Variants in SLC15A3 observed in about 807,000 individuals in gnomAD.
The protein encoded by SLC15A3 is solute carrier family 15 member 3, also known as osteoclast transporter.
SLC15A3 carries 39 observed loss-of-function variants against 49.2 expected under a neutral mutation model. The ratio of observed to expected loss-of-function variants is 0.79; its 90% CI spans 0.61 to 1.04. The LOEUF is 1.04. Among genes scored for constraint, SLC15A3 ranks in the 50% least tolerant of loss-of-function variants. SLC15A3 has a pLI of 0.00. For synonymous variants in SLC15A3, 339 were observed against 367.0 expected (o/e 0.92, Z 0.87); for missense variants, 758 against 794.8 (o/e 0.95, Z 0.56).
Position 60,946,760 on chromosome 11 carries a change from T to C in SLC15A3, c.620A>G (p.Asn207Ser), listed in dbSNP as rs764069229. ...RFFNWFYWSI[N>S]LGAVLSLLVV... ...CAGCAGCGACAGCACAGCACCCAGG[T>C]TGATGCTCCAGTAAAACCAGTTGAA... The change falls in exon 2 of 8, where the codon AAC becomes AGC. Residue 207 changes from asparagine (N) to serine (S), a missense_variant. By Grantham distance (46) the Asn-to-Ser change is conservative. Transcript: ENST00000227880. 25 of 1,613,994 alleles carry C rather than the reference T, an allele frequency of 1.5e-5. No homozygotes were observed. Among genetic ancestry groups the C allele is most frequent in the Non-Finnish European group, 1.9e-5 (22 of 1,180,014 alleles).
At chr11:60,939,059 T>G (rs2134922804) in intron 6 of SLC15A3, among the ~76,000 whole-genome samples, 1 of 152,314 alleles carries the variant, frequency 6.6e-6, no homozygotes, top group African/African-American at 2.4e-5. Flanking sequence ...CCCAGAGTAC[T>G]GTGTGCTATG....
chr11:60,951,013 G>C lies in SLC15A3; in HGVS notation c.539C>G (p.Thr180Ser). 1 of 1,489,112 alleles carries C rather than the reference G, an allele frequency of 6.7e-7. No individual in the cohort carries two copies. The highest frequency in any genetic ancestry group is 8.9e-7 in the Non-Finnish European group (1 of 1,126,318). 92.2% of individuals were successfully genotyped at this position (1,489,112 alleles called of 1,614,324 possible). Residue 180 changes from threonine (T) to serine (S), a missense_variant, in exon 1 of 8, where the codon ACC (threonine) becomes AGC (serine). Coordinates refer to ENST00000227880, the MANE Select transcript of SLC15A3 (RefSeq NM_016582.3). ...LAASSVRSNL[T>S]SFGADQVMDL... ...ACTCACCTGGTCGGCACCGAAGGAG[G>C]TGAGGTTGCTCCGGACGGAGCTGGC...
chr11:60,939,429 C>T (rs1590635727), intron 6 of SLC15A3, 51 bp downstream of exon 6: 10 of 1,599,092 alleles, frequency 6.3e-6, no homozygotes, highest in Non-Finnish European at 7.7e-6. Context: ...TGAGGTGCCA[C>T]CGGGCAGAGC....
In SLC15A3 at chr11:60,942,081, G is replaced by A. The variant is rs199700410; in HGVS notation, c.1061C>T (p.Pro354Leu). 17 of 1,614,138 alleles carry A rather than the reference G, an allele frequency of 1.1e-5. No individual in the cohort carries two copies. Among genetic ancestry groups the A allele is most frequent in the Admixed American group, 5.0e-5 (3 of 60,024 alleles). The change falls in exon 4 of 8, where the codon CCG becomes CTG. Residue 354 changes from proline (P) to leucine (L), a missense_variant. Coordinates refer to ENST00000227880, the MANE Select transcript of SLC15A3 (RefSeq NM_016582.3). The stretch of plus-strand genomic sequence containing the variant: ...TCTCAGGGCCACAGAGATGTTGGCC[G>A]GGTTGGCTGGGAAAATGTTTGGGAT... ...LHIPNIFPAN[P>L]ANISVALRAQ...
rs76312198 is a variant in SLC15A3 at position 60,941,295 on chromosome 11, G to A, written c.1108-5C>T. The A allele has an allele frequency of 0.012, 19,863 of 1,612,280 alleles. 310 individuals are homozygous for A. Among genetic ancestry groups the A allele is most frequent in the South Asian group, 0.05 (4,553 of 90,642 alleles). ...GAGGAGCCAGGCTTCCGGGATCTGG[G>A]CAGGAGGAAGTCAGGAGAGGCAGGC... On this transcript the variant is annotated splice_polypyrimidine_tract_variant and splice_region_variant and intron_variant, in intron 4 of 7. Transcript: ENST00000227880.
rs376816042 is a variant in SLC15A3 at position 60,945,340 on chromosome 11, G to C, written c.848+1192C>G. On this transcript the variant is annotated intron_variant, in intron 2 of 7. Transcript: ENST00000227880. ...GCCATGTAAGTGAGCAGACTCAGAA[G>C]TTCTAGCCCTTTCCAGGTCCCAAAT... 4.0e-4 allele frequency among the ~76,000 whole-genome samples: 61 copies of C among 152,312 alleles called. 1 individual carries two copies. The South Asian group carries it at 0.011, about 27-fold the overall frequency.
intron 6 of SLC15A3, 107 bp from the exon 7 acceptor site, chr11:60,938,132 A>G: frequency 1.5e-6 from 2 of 1,371,784 alleles, no homozygotes. Context: ...GCCACCCTCC[A>G]GGCTTCCCCT....
rs1856935898 is a variant in SLC15A3, at chr11:60,951,880, T to G, written c.-329A>C. On this transcript the variant is annotated 5_prime_UTR_variant, in exon 1 of 8. Transcript: ENST00000227880. ...CCCTCTCCTCCCTCCACCTTGACCC[T>G]TCCTCGCACTCTTGTTCACACTGCG... 4 of 141,514 alleles carry G rather than the reference T, an allele frequency of 2.8e-5. No homozygotes were observed. The highest frequency in any genetic ancestry group is 3.3e-4 in the East Asian group (1 of 3,006). The allele number at this position is 141,514 out of a possible 1,614,324, so 8.8% of individuals were successfully genotyped here. A position where few individuals can be genotyped will look rare whatever the true frequency, so the allele number is the denominator to read the frequency against.
chr11:60,939,746 T>C (rs1164291634), intron 5 of SLC15A3, 108 bp from the exon 6 acceptor site: 47 of 1,319,868 alleles, frequency 3.6e-5, no homozygotes, highest in South Asian at 1.0e-4. Flanking sequence ...CAGCCAAAGA[T>C]TGAGCAGCAG....
Position 60,939,627 on chromosome 11 carries a change from T to A in SLC15A3, c.1288A>T (p.Met430Leu). The change falls in exon 6 of 8, where the codon ATG (methionine) becomes TTG (leucine). Residue 430 changes from methionine (M) to leucine (L), a missense_variant. Physicochemically the swap from Met to Leu is conservative, Grantham distance 15 (BLOSUM62 2). Coordinates refer to ENST00000227880, the MANE Select transcript of SLC15A3 (RefSeq NM_016582.3). ...TGGTGGATGTAGTGTAAGCGCTCCATCTCCAGGACTCCTGGTGGAGGAGCA... is the reference window on the plus strand; with the variant it reads ...TGGTGGATGTAGTGTAAGCGCTCCAACTCCAGGACTCCTGGTGGAGGAGCA... Reference protein sequence around the residue: ...TSVIVAGVLEMERLHYIHHNE... With the variant: ...TSVIVAGVLELERLHYIHHNE... 2 of 1,613,928 alleles carry A rather than the reference T, an allele frequency of 1.2e-6. No homozygotes were observed. The highest frequency in any genetic ancestry group is 1.7e-6 in the Non-Finnish European group (2 of 1,179,948).
intron 1 of SLC15A3, 92 bp downstream of exon 1, chr11:60,950,902 G>A: frequency 7.8e-7 from 1 of 1,283,214 alleles, no homozygotes; most frequent in Non-Finnish European, 1.0e-6. Context: ...GTGCAGGCAG[G>A]GGACCTGGTT....
intron 1 of SLC15A3, among the ~76,000 whole-genome samples, chr11:60,947,065 T>C (rs1475021621): frequency 6.6e-6 from 1 of 152,228 alleles, no homozygotes; most frequent in Non-Finnish European, 1.5e-5. Context: ...TGCATACCCA[T>C]GACACACACT....
At chr11:60,938,503 T>C (rs1282994360) in intron 6 of SLC15A3, among the ~76,000 whole-genome samples, 1 of 152,104 alleles carries the variant, frequency 6.6e-6, no homozygotes, top group African/African-American at 2.4e-5. Flanking sequence ...CTGACTCCTG[T>C]CCTCCTCACA....
Position 60,951,146 on chromosome 11 carries a change from C to A in SLC15A3, c.406G>T (p.Ala136Ser). ...GGGCAGGCAGGTCCCAGCGGCGACG[C>A]GGGCATCTCTCCGCAGAAGGAGCTG... is the stretch of plus-strand genomic sequence containing the variant. ...GRSSFCGEMP[A>S]SPLGPACPSA... The change falls in exon 1 of 8, where the codon GCG (alanine) becomes TCG (serine). Residue 136 changes from alanine (A) to serine (S), a missense_variant. By Grantham distance (99) the Ala-to-Ser change is moderately conservative. Coordinates refer to ENST00000227880, the MANE Select transcript of SLC15A3 (RefSeq NM_016582.3). 1.3e-6 allele frequency: 2 copies of A among 1,487,322 alleles called. No individual in the cohort carries two copies. Among genetic ancestry groups the A allele is most frequent in the Non-Finnish European group, 8.9e-7 (1 of 1,127,870 alleles). The allele number at this position is 1,487,322 out of a possible 1,614,324, so 92.1% of individuals were successfully genotyped here.
In SLC15A3 at chr11:60,941,128, C is replaced by T. The variant is rs1287203086; in HGVS notation, c.1270G>A (p.Val424Met). Reference sequence around the variant, plus strand: ...CCCACACCCCTCTGCACACCTGCCACAATGACGGAGGTAAAACCAAAGAAC... The same window carrying T: ...CCCACACCCCTCTGCACACCTGCCATAATGACGGAGGTAAAACCAAAGAAC... ...GMFFGFTSVI[V>M]AGVLEMERLH... is the part of the protein sequence containing the mutation. The change falls in exon 5 of 8, where the codon GTG (valine) becomes ATG (methionine). Residue 424 changes from valine to methionine, a missense_variant. This residue lies in a region of SLC15A3 where 699 missense variants were observed against 706.7 expected (regional missense o/e 0.99). Coordinates refer to ENST00000227880, the MANE Select transcript of SLC15A3 (RefSeq NM_016582.3). 1 of 1,612,848 alleles carries T rather than the reference C, an allele frequency of 6.2e-7. No individual in the cohort carries two copies. The highest frequency in any genetic ancestry group is 1.3e-5 in the African/African-American group (1 of 75,034).
intron 1 of SLC15A3, 148 bp downstream of exon 1, chr11:60,950,846 G>T: frequency 1.3e-6 from 1 of 788,028 alleles, no homozygotes; most frequent in Non-Finnish European, 1.8e-6. Context: ...GGTTGCCATC[G>T]GTTTTGCAAG....
chr11:60,939,411 C>T (rs1590635713), intron 6 of SLC15A3, 69 bp downstream of exon 6: 3 of 1,578,244 alleles, frequency 1.9e-6, no homozygotes, highest in Non-Finnish European at 8.6e-7. Flanking sequence ...CCCTGGGGTA[C>T]CTGACTTTGA....
chr11:60,940,804 C>A, intron 5 of SLC15A3: 1 of 192,538 alleles, frequency 5.2e-6, no homozygotes, highest in Non-Finnish European at 1.1e-5. Context: ...TCATTCAACA[C>A]ATTTATGGAG....
intron 6 of SLC15A3, among the ~76,000 whole-genome samples, chr11:60,938,636 C>T (rs1856661688): frequency 6.6e-6 from 1 of 152,152 alleles, no homozygotes; most frequent in South Asian, 2.1e-4. Flanking sequence ...CGCACAAAGC[C>T]CTTCGACACT....
Sources: gnomAD v4.1 joint callset for allele counts (sites outside exome capture counted in the v4.1 genomes callset) on GRCh38, gnomAD v4.1.1 for gene constraint, gnomAD v4.1.1 regional missense constraint, MANE v1.5 for transcripts, NCBI Gene and HGNC (gene_info 2026-07-23, HGNC 2026-07-21) for gene names.